The following SACS variants were observed in gnomAD, a reference collection of about 807,000 sequenced individuals.
SACS encodes the protein sacsin.
Under a neutral mutation model 348.0 loss-of-function variants are expected in SACS, and 197 were observed. The observed-to-expected ratio is 0.57, with a 90% CI of 0.50 to 0.64. The LOEUF (loss-of-function observed/expected upper bound fraction) is 0.64. Ranked by LOEUF, SACS falls within the 30% of genes least tolerant of loss-of-function variation. SACS has a pLI of 0.00. For missense variants in SACS, 4,999 were observed against 5,360.8 expected (o/e 0.93, Z 2.11); for synonymous variants, 1,985 against 1,910.6 (o/e 1.04, Z -1.02).
At position 23,332,445 on chromosome 13, in the gene SACS, C is replaced by T; in HGVS notation, c.11431G>A (p.Val3811Ile). 2 of 1,613,978 alleles carry T rather than the reference C, an allele frequency of 1.2e-6. No individual in the cohort carries two copies. The highest frequency in any genetic ancestry group is 8.5e-7 in the Non-Finnish European group (1 of 1,179,924). ...GATTCATATTCTAGGTTTATGACTA[C>T]CTCCTCAGGCTTCAGAAGTTTCCAA... is the stretch of plus-strand genomic sequence containing the variant. ...DGWKLLKPEE[V>I]VINLEYESDF... The change falls in exon 10 of 10, where the codon GTA (valine) becomes ATA (isoleucine). Residue 3811 changes from valine to isoleucine, a missense_variant. Val to Ile is a conservative substitution (Grantham distance 29). Around this residue, in one of 6 missense-constraint regions of SACS, gnomAD observed 831 missense variants for 941.8 expected, o/e 0.88. Transcript: ENST00000382292.
intron 9 of SACS, among the ~76,000 whole-genome samples, chr13:23,352,657 TC>T (rs1030660923): frequency 4.0e-5 from 6 of 151,854 alleles, no homozygotes; most frequent in African/African-American, 1.5e-4. Flanking sequence ...AAAAAGGAGT[TC>T]CAAATCGTTA....
chr13:23,424,120 C>G (rs1440196085), intron 1 of SACS, among the ~76,000 whole-genome samples: 1 of 152,166 alleles, frequency 6.6e-6, no homozygotes, highest in Non-Finnish European at 1.5e-5. Flanking sequence ...CTACTAATAA[C>G]TAGAAACAAG....
Position 23,337,539 on chromosome 13 carries a change from A to G in SACS, c.6337T>C (p.Leu2113=), listed in dbSNP as rs1868751633. ...EGHPLVLPSR[L]IHPEGRVAKL... Reference sequence around the variant, plus strand: ...GCAACTCGTCCTTCGGGGTGGATCAATCTTGATGGCAAAACCAAAGGATGC... The same window carrying G: ...GCAACTCGTCCTTCGGGGTGGATCAGTCTTGATGGCAAAACCAAAGGATGC... The change falls in exon 10 of 10, where the codon TTG becomes CTG. Residue 2113 remains leucine (L), a synonymous_variant. Transcript: ENST00000382292. The G allele has an allele frequency of 6.2e-7, 1 of 1,614,028 alleles. No homozygotes were observed. Among genetic ancestry groups the G allele is most frequent in the South Asian group, 1.1e-5 (1 of 91,066 alleles).
At position 23,413,539 on chromosome 13, in the gene SACS, C is replaced by T. The variant is rs76241892; in HGVS notation, c.-501-1799G>A. On this transcript the variant is annotated intron_variant, in intron 1 of 9. Coordinates refer to ENST00000382292, the MANE Select transcript of SACS (RefSeq NM_014363.6). Reference sequence around the variant, plus strand: ...GACCAGCTCCGGACTTCTTATTCTGCGTTTGCTATGCAACAATGTTTCATT... The same window carrying T: ...GACCAGCTCCGGACTTCTTATTCTGTGTTTGCTATGCAACAATGTTTCATT... Among the ~76,000 whole-genome samples the T allele has an allele frequency of 8.3e-3, 1,261 of 152,124 alleles. 11 individuals are homozygous for T. The highest frequency in any genetic ancestry group is 0.029 in the African/African-American group (1,190 of 41,478).
Position 23,332,104 on chromosome 13 carries a change from A to G in SACS, c.11772T>C (p.Phe3924=). Residue 3924 remains phenylalanine, a synonymous_variant, in exon 10 of 10, where the codon TTT becomes TTC. Coordinates refer to ENST00000382292, the MANE Select transcript of SACS (RefSeq NM_014363.6). ...GRLVKSSILV[F]DDAPHYKSRI... ...TACTTTTATAATGTGGCGCATCGTC[A>G]AACACTAAGATGCTTGACTTTACCA... The G allele has an allele frequency of 3.1e-6, 5 of 1,614,070 alleles. No individual in the cohort carries two copies. Among genetic ancestry groups the G allele is most frequent in the Non-Finnish European group, 4.2e-6 (5 of 1,179,958 alleles).
In SACS at chr13:23,329,669, A is replaced by C. The variant is rs765048528; in HGVS notation, c.*467T>G. 6.8e-5 allele frequency: 36 copies of C among 528,028 alleles called. 1 individual carries two copies. Among genetic ancestry groups the C allele is most frequent in the Non-Finnish European group, 9.9e-5 (30 of 304,318 alleles). 32.7% of individuals were successfully genotyped at this position (528,028 alleles called of 1,614,324 possible). ...TCATGATCAGAGCCAGCTGATGAGAAAATAACGCATCCAAGAGGATCCACT... is the reference window on the plus strand; with the variant it reads ...TCATGATCAGAGCCAGCTGATGAGACAATAACGCATCCAAGAGGATCCACT... On this transcript the variant is annotated 3_prime_UTR_variant, in exon 10 of 10. Coordinates refer to ENST00000382292, the MANE Select transcript of SACS (RefSeq NM_014363.6).
Position 23,334,520 on chromosome 13 carries a change from C to T in SACS, c.9356G>A (p.Cys3119Tyr). 1 of 1,613,404 alleles carries T rather than the reference C, an allele frequency of 6.2e-7. No homozygotes were observed. The highest frequency in any genetic ancestry group is 1.1e-5 in the South Asian group (1 of 91,062). ...DTNCHIGKLP[C>Y]RLQQTNLKLF... ...TTTTAGATTAGTCTGCTGCAGACGA[C>T]AAGGCAGCTTCCCAATATGGCAATT... Residue 3119 changes from cysteine (C) to tyrosine (Y), a missense_variant, in exon 10 of 10, where the codon TGT becomes TAT. This residue lies in a region of SACS where 734 missense variants were observed against 694.0 expected (regional missense o/e 1.06). Transcript: ENST00000382292.
chr13:23,353,112 A>C (rs1270742213), intron 9 of SACS, among the ~76,000 whole-genome samples: 1 of 152,212 alleles, frequency 6.6e-6, no homozygotes. Context: ...GCAGAAGTTG[A>C]AAGGTAGTAT....
Position 23,329,574 on chromosome 13 carries a change from T to A in SACS, c.*562A>T, listed in dbSNP as rs1883338196. 3.3e-6 allele frequency: 2 copies of A among 613,252 alleles called. No homozygotes were observed. Among genetic ancestry groups the A allele is most frequent in the Non-Finnish European group, 5.8e-6 (2 of 347,126 alleles). The allele number at this position is 613,252 out of a possible 1,614,324, so 38.0% of individuals were successfully genotyped here. On this transcript the variant is annotated 3_prime_UTR_variant, in exon 10 of 10. Transcript: ENST00000382292. The stretch of plus-strand genomic sequence containing the variant: ...AAAAGTACTACCTTCACACTCTTAG[T>A]CAAGTAATAGGATTAAAATACTCTA...
chr13:23,332,408 G>C lies in SACS; in HGVS notation c.11468C>G (p.Pro3823Arg). 1 of 1,613,886 alleles carries C rather than the reference G, an allele frequency of 6.2e-7. No homozygotes were observed. Among genetic ancestry groups the C allele is most frequent in the South Asian group, 1.1e-5 (1 of 91,068 alleles). The change falls in exon 10 of 10, where the codon CCT becomes CGT. Residue 3823 changes from proline to arginine, a missense_variant. By Grantham distance (103) the Pro-to-Arg change is moderately radical. Transcript: ENST00000382292. ...INLEYESDFK[P>R]YLYKLPLELG... ...TTCTAAAGGTAGCTTGTACAAATAA[G>C]GTTTAAAATCAGATTCATATTCTAG...
rs755887073 is a variant in SACS at position 23,335,247 on chromosome 13, T to C, written c.8629A>G (p.Thr2877Ala). The C allele has an allele frequency of 6.2e-7, 1 of 1,613,890 alleles. No individual in the cohort carries two copies. Among genetic ancestry groups the C allele is most frequent in the South Asian group, 1.1e-5 (1 of 91,080 alleles). Residue 2877 changes from threonine to alanine, a missense_variant, in exon 10 of 10, where the codon ACT (threonine) becomes GCT (alanine). Coordinates refer to ENST00000382292, the MANE Select transcript of SACS (RefSeq NM_014363.6). The surrounding 1 kb of genome is among the most constrained non-coding windows in gnomAD (Gnocchi z 4.7). ...AFCFLPLSLE[T>A]GLPFHVNGHF... is the part of the protein sequence containing the mutation. ...CCATTCACATGAAATGGCAGCCCAG[T>C]CTCCAAAGAAAGAGGCAAAAAACAG...
In SACS at chr13:23,334,446, C is replaced by T; in HGVS notation, c.9430G>A (p.Glu3144Lys). Residue 3144 changes from glutamate to lysine, a missense_variant, in exon 10 of 10, where the codon GAA becomes AAA. Physicochemically the swap from Glu to Lys is moderately conservative, Grantham distance 56. Coordinates refer to ENST00000382292, the MANE Select transcript of SACS (RefSeq NM_014363.6). ...CCCTCAACTTCAATCTCATTTTCTT[C>T]TGCATCTTTAAAACAATAATCAACT... is the stretch of plus-strand genomic sequence containing the variant. ...LLVDYCFKDAEENEIEVEGLP... is the reference protein window; with the variant it reads ...LLVDYCFKDAKENEIEVEGLP... 2.5e-6 allele frequency: 4 copies of T among 1,612,540 alleles called. No individual in the cohort carries two copies. Among genetic ancestry groups the T allele is most frequent in the Non-Finnish European group, 3.4e-6 (4 of 1,179,760 alleles).
intron 6 of SACS, among the ~76,000 whole-genome samples, chr13:23,363,435 C>T: frequency 7.1e-6 from 1 of 140,994 alleles, no homozygotes; most frequent in African/African-American, 2.5e-5. Flanking sequence ...ACATGTTGGC[C>T]AGGCTGGTCT....
chr13:23,330,534 G>T lies in SACS; in HGVS notation c.13342C>A (p.Arg4448Ser). 1 of 1,614,120 alleles carries T rather than the reference G, an allele frequency of 6.2e-7. No homozygotes were observed. Among genetic ancestry groups the T allele is most frequent in the Non-Finnish European group, 8.5e-7 (1 of 1,180,008 alleles). Residue 4448 changes from arginine to serine, a missense_variant, in exon 10 of 10, where the codon CGC (arginine) becomes AGC (serine). Physicochemically the swap from Arg to Ser is moderately radical, Grantham distance 110 (BLOSUM62 -1). Transcript: ENST00000382292. ...GCTCTGGCTTGTCTTAGCCATCTGC[G>T]TGCTTCCACTGGATTGCCAACCGAC... ...FKSVGNPVEA[R>S]RWLRQARANF...
chr13:23,354,116 ATTAATT>A (rs1197533501), intron 8 of SACS, among the ~76,000 whole-genome samples: 1 of 152,226 alleles, frequency 6.6e-6, no homozygotes, highest in African/African-American at 2.4e-5. Context: ...TTACAGTAAA[ATTAATT>A]TTATTTCCTG....
intron 2 of SACS, among the ~76,000 whole-genome samples, chr13:23,379,949 T>C (rs1402373477): frequency 6.6e-6 from 1 of 152,152 alleles, no homozygotes; most frequent in Non-Finnish European, 1.5e-5. Context: ...ATCTCTTTTT[T>C]TCTTTTCTTC....
chr13:23,332,573 G>C lies in SACS; in HGVS notation c.11303C>G (p.Thr3768Ser). Residue 3768 changes from threonine (T) to serine (S), a missense_variant, in exon 10 of 10, where the codon ACT becomes AGT. Physicochemically the swap from Thr to Ser is moderately conservative, Grantham distance 58. Around this residue, in one of 6 missense-constraint regions of SACS, gnomAD observed 831 missense variants for 941.8 expected, o/e 0.88. Transcript: ENST00000382292. ...TATGCTCCTTAAGACTTTTGCTCTA[G>C]TTTTTACCATTTCTTCATCCAACGT... ...ITTLDEEMVK[T>S]RAKVLRSIYE... 1 of 1,613,726 alleles carries C rather than the reference G, an allele frequency of 6.2e-7. No homozygotes were observed. Among genetic ancestry groups the C allele is most frequent in the Non-Finnish European group, 8.5e-7 (1 of 1,179,890 alleles).
Position 23,368,382 on chromosome 13 carries a change from G to C in SACS, c.345+20C>G. 2 of 1,552,538 alleles carry C rather than the reference G, an allele frequency of 1.3e-6. No individual in the cohort carries two copies. The highest frequency in any genetic ancestry group is 1.4e-5 in the African/African-American group (1 of 73,684). On this transcript the variant is annotated intron_variant, in intron 5 of 9. Coordinates refer to ENST00000382292, the MANE Select transcript of SACS (RefSeq NM_014363.6). ...ATTTTTATCAAAGTAAATAACACAT[G>C]AACACGACATGTGCCCCACCTTAAG... is the stretch of plus-strand genomic sequence containing the variant.
Position 23,329,502 on chromosome 13 carries a change from T to A in SACS, c.*634A>T. The A allele has an allele frequency of 1.4e-6, 1 of 734,112 alleles. No individual in the cohort carries two copies. Among genetic ancestry groups the A allele is most frequent in the Non-Finnish European group, 2.5e-6 (1 of 401,150 alleles). The allele number at this position is 734,112 out of a possible 1,614,324, so 45.5% of individuals were successfully genotyped here. On this transcript the variant is annotated 3_prime_UTR_variant, in exon 10 of 10. Coordinates refer to ENST00000382292, the MANE Select transcript of SACS (RefSeq NM_014363.6). ...CAGGAAGCCTGTAAACATAAGATGT[T>A]AAAAAAAAATTTAAATAAAGATGTA...
Sources: allele counts gnomAD v4.1 joint callset (sites outside exome capture counted in the v4.1 genomes callset), GRCh38; gene constraint gnomAD v4.1.1; regional missense constraint gnomAD v4.1.1; non-coding constraint Gnocchi (gnomAD v3.1); transcripts MANE v1.5; gene names NCBI Gene and HGNC (gene_info 2026-07-23, HGNC 2026-07-21).